The following DPYD variants were observed in gnomAD, a reference collection of about 807,000 sequenced individuals.
The protein encoded by DPYD is dihydropyrimidine dehydrogenase, also known as dihydropyrimidine dehydrogenase [NADP(+)].
Under a neutral mutation model 116.2 loss-of-function variants are expected in DPYD, and 109 were observed. That is an observed-to-expected ratio of 0.94 (90% CI 0.80 to 1.10). The LOEUF is 1.10. DPYD is among the 50% of genes least tolerant of loss of function. The pLI, the probability that DPYD is intolerant of heterozygous loss-of-function variation, is 0.00. For missense variants in DPYD, 1,302 were observed against 1,254.5 expected (o/e 1.04, Z -0.57); for synonymous variants, 440 against 432.0 (o/e 1.02, Z -0.23).
chr1:97,093,404 T>G (rs1299737824), intron 21 of DPYD, among the ~76,000 whole-genome samples: 3 of 152,200 alleles, frequency 2.0e-5, no homozygotes, highest in Non-Finnish European at 4.4e-5. Flanking sequence ...TCAGTTCATT[T>G]TATTGGACAA....
intron 21 of DPYD, among the ~76,000 whole-genome samples, chr1:97,090,580 T>C (rs1649832651): frequency 6.6e-6 from 1 of 152,218 alleles, no homozygotes; most frequent in South Asian, 2.1e-4. Flanking sequence ...TCTGTGAAGC[T>C]TTCCACAATT....
intron 12 of DPYD, among the ~76,000 whole-genome samples, chr1:97,524,649 T>C (rs1302154366): frequency 6.6e-6 from 1 of 152,200 alleles, no homozygotes; most frequent in African/African-American, 2.4e-5. Flanking sequence ...GCCTCACCTC[T>C]GGACATTGTG....
At chr1:97,898,040 T>A (rs893529279) in intron 1 of DPYD, among the ~76,000 whole-genome samples, 8 of 151,776 alleles carry the variant, frequency 5.3e-5, no homozygotes, top group Non-Finnish European at 1.0e-4. Context: ...TTAAGCTTTG[T>A]GAGGAGGGAA....
intron 3 of DPYD, among the ~76,000 whole-genome samples, chr1:97,751,381 CAT>C (rs201556673): frequency 6.3e-4 from 75 of 119,870 alleles, no homozygotes; most frequent in Non-Finnish European, 1.0e-3. Context: ...CATATATATA[CAT>C]ATATGTGTGT....
chr1:97,813,256 C>T (rs1006492296), intron 3 of DPYD, among the ~76,000 whole-genome samples: 3 of 151,830 alleles, frequency 2.0e-5, no homozygotes, highest in African/African-American at 7.3e-5. Flanking sequence ...AATCTGATTC[C>T]CCAAACAGCT....
chr1:97,555,069 G>C (rs1410682729), intron 11 of DPYD, among the ~76,000 whole-genome samples: 1 of 152,102 alleles, frequency 6.6e-6, no homozygotes, highest in Non-Finnish European at 1.5e-5. Context: ...TTGAATGAAA[G>C]TATGGTCTCC....
chr1:97,429,128 C>G (rs1675033898), intron 14 of DPYD, among the ~76,000 whole-genome samples: 1 of 151,958 alleles, frequency 6.6e-6, no homozygotes, highest in Non-Finnish European at 1.5e-5. Flanking sequence ...AATAATCATA[C>G]AGAGATAATG....
At chr1:97,491,957 A>G (rs1678999577) in intron 13 of DPYD, among the ~76,000 whole-genome samples, 1 of 152,132 alleles carries the variant, frequency 6.6e-6, no homozygotes, top group Admixed American at 6.6e-5. Flanking sequence ...TTATGGATAC[A>G]TCTCATGTAT....
At chr1:97,246,566 T>C (rs1472039981) in intron 18 of DPYD, among the ~76,000 whole-genome samples, 1 of 152,094 alleles carries the variant, frequency 6.6e-6, no homozygotes, top group Non-Finnish European at 1.5e-5. Flanking sequence ...ATTTCAGATA[T>C]AGTAATGAAC....
intron 16 of DPYD, among the ~76,000 whole-genome samples, chr1:97,331,689 T>C (rs1669018113): frequency 6.6e-6 from 1 of 152,166 alleles, no homozygotes; most frequent in Non-Finnish European, 1.5e-5. Flanking sequence ...ATAACTCCTC[T>C]GAAGTATTAT....
intron 2 of DPYD, among the ~76,000 whole-genome samples, chr1:97,875,773 T>C (rs1230883279): frequency 6.6e-6 from 1 of 152,042 alleles, no homozygotes; most frequent in Non-Finnish European, 1.5e-5. Flanking sequence ...TTATTAAATT[T>C]ACACATTAAT....
chr1:97,316,084 G>A lies in DPYD; in HGVS notation c.2059-9787C>T, dbSNP rs7512040. ...TAAAGGACATGATGCCTTTGTGTCC[G>A]CAAGACAAAATTATCCATCAAGGGA... On this transcript the variant is annotated intron_variant, in intron 16 of 22. Transcript: ENST00000370192. Among the ~76,000 whole-genome samples the A allele has an allele frequency of 7.8e-3, 1,179 of 151,882 alleles. 16 individuals are homozygous for A. The highest frequency in any genetic ancestry group is 7.2e-3 in the Non-Finnish European group (487 of 67,908).
At chr1:97,185,788 C>T (rs1057391887) in intron 20 of DPYD, among the ~76,000 whole-genome samples, 12 of 152,106 alleles carry the variant, frequency 7.9e-5, no homozygotes, top group African/African-American at 2.9e-4. Context: ...GTGGCAGGTG[C>T]TAGATGGTGT....
chr1:97,442,611 ATAT>A (rs1182386837), intron 14 of DPYD, among the ~76,000 whole-genome samples: 2 of 152,080 alleles, frequency 1.3e-5, no homozygotes, highest in African/African-American at 4.8e-5. Context: ...TGAATGAATG[ATAT>A]TAAAGCAGGG....
chr1:97,855,017 G>A (rs1391483344), intron 2 of DPYD: 1 of 152,172 alleles, frequency 6.6e-6, no homozygotes, highest in Non-Finnish European at 1.5e-5. Flanking sequence ...TATCTCAGGG[G>A]CCAGGTGATT....
chr1:97,418,287 T>C (rs2101688513), intron 14 of DPYD, among the ~76,000 whole-genome samples: 1 of 150,184 alleles, frequency 6.7e-6, no homozygotes, highest in Admixed American at 6.7e-5. Flanking sequence ...CTAGTTCTAA[T>C]TGAGATAGAT....
intron 18 of DPYD, among the ~76,000 whole-genome samples, chr1:97,275,270 T>C (rs1371654697): frequency 6.6e-6 from 1 of 152,192 alleles, no homozygotes; most frequent in Non-Finnish European, 1.5e-5. Flanking sequence ...AGTTAAAATG[T>C]TATCTCTCCC....
At chr1:97,529,607 C>G (rs964784210) in intron 12 of DPYD, among the ~76,000 whole-genome samples, 1 of 152,132 alleles carries the variant, frequency 6.6e-6, no homozygotes, top group Admixed American at 6.6e-5. Flanking sequence ...ATATCCATCA[C>G]GTTCAAAAGT....
intron 18 of DPYD, chr1:97,280,209 C>T (rs991544): frequency 0.71 from 101,100 of 142,846 alleles, 35,306 homozygotes; most frequent in African/African-American, 0.89. Context: ...TTTCAGAAGT[C>T]TTTTTTTTTA....
Sources: allele counts gnomAD v4.1 joint callset (sites outside exome capture counted in the v4.1 genomes callset), GRCh38; gene constraint gnomAD v4.1.1; transcripts MANE v1.5; gene names NCBI Gene and HGNC (gene_info 2026-07-23, HGNC 2026-07-21).